Variants in LINGO2 observed in about 807,000 individuals in gnomAD.
LINGO2 encodes the protein leucine rich repeat and Ig domain containing 2.
LINGO2 carries 14 observed loss-of-function variants against 30.6 expected under a neutral mutation model. That is an observed-to-expected ratio of 0.46 (90% CI 0.30 to 0.72). The LOEUF (loss-of-function observed/expected upper bound fraction) is 0.72, where lower values mean the gene tolerates loss of function less well. LINGO2 is among the 30% of genes least tolerant of loss of function. The probability of loss-of-function intolerance (pLI) is 0.07; values close to 1 mark genes in which losing one functional copy is unlikely to be tolerated. For missense variants in LINGO2, 729 were observed against 751.7 expected (o/e 0.97, Z 0.35); for synonymous variants, 317 against 288.5 (o/e 1.10, Z -1.00).
At chr9:28,613,697 A>G (rs1291153789) in intron 1 of LINGO2, among the ~76,000 whole-genome samples, 2 of 152,142 alleles carry the variant, frequency 1.3e-5, no homozygotes, top group Non-Finnish European at 2.9e-5. Context: ...TAAGGCATAA[A>G]GTAGTATAAG....
intron 1 of LINGO2, among the ~76,000 whole-genome samples, chr9:28,644,008 G>T (rs148746670): frequency 1.9e-3 from 283 of 152,128 alleles, no homozygotes; most frequent in African/African-American, 6.6e-3. Flanking sequence ...AGTTAAAGTG[G>T]CTTATATCCA....
intron 4 of LINGO2, among the ~76,000 whole-genome samples, chr9:28,061,416 A>G (rs1398653943): frequency 6.6e-6 from 1 of 151,966 alleles, no homozygotes; most frequent in African/African-American, 2.4e-5. Context: ...CAGAAGTTGC[A>G]TAATATGGCT....
intron 3 of LINGO2, among the ~76,000 whole-genome samples, chr9:28,303,808 C>G (rs1489737968): frequency 2.0e-5 from 3 of 151,768 alleles, no homozygotes; most frequent in African/African-American, 7.3e-5. Context: ...AAGGGTTGGT[C>G]TTGCTGTCTC....
At chr9:28,583,196 A>G (rs1824348380) in intron 1 of LINGO2, among the ~76,000 whole-genome samples, 1 of 151,654 alleles carries the variant, frequency 6.6e-6, no homozygotes, top group African/African-American at 2.4e-5. Flanking sequence ...CTCAGAAGAT[A>G]AAATAATTAC....
chr9:28,089,515 A>G (rs1452705360), intron 4 of LINGO2, among the ~76,000 whole-genome samples: 1 of 152,184 alleles, frequency 6.6e-6, no homozygotes, highest in Admixed American at 6.5e-5. Flanking sequence ...TTTTGAACCA[A>G]TGAGAACAAA....
At chr9:28,266,799 T>A (rs772981662) in intron 4 of LINGO2, among the ~76,000 whole-genome samples, 7 of 152,012 alleles carry the variant, frequency 4.6e-5, no homozygotes, top group Non-Finnish European at 8.8e-5. Flanking sequence ...CTTCTCCCAT[T>A]TCAGCCACTC....
the LINGO2 span, among the ~76,000 whole-genome samples, chr9:28,723,804 T>C: frequency 6.4e-3 from 981 of 152,216 alleles, 25 homozygotes; most frequent in East Asian, 0.036. Context: ...TATGTTGCAA[T>C]TGGTCATAAA....
the LINGO2 span, among the ~76,000 whole-genome samples, chr9:29,063,541 G>A: frequency 6.6e-6 from 1 of 151,782 alleles, no homozygotes; most frequent in South Asian, 2.1e-4. Context: ...TGGGATTACA[G>A]AGGTCTGCCA....
chr9:28,249,651 T>G (rs1004810430), intron 4 of LINGO2, among the ~76,000 whole-genome samples: 2 of 152,250 alleles, frequency 1.3e-5, no homozygotes, highest in East Asian at 3.9e-4. Context: ...AAAACCCACT[T>G]GAGTTTTATT....
chr9:28,846,677 T>A, the LINGO2 span, among the ~76,000 whole-genome samples: 1 of 147,422 alleles, frequency 6.8e-6, no homozygotes, highest in East Asian at 2.0e-4. Context: ...TTTGTGCAGC[T>A]CCTGACCCAA....
intron 4 of LINGO2, among the ~76,000 whole-genome samples, chr9:28,030,759 C>G (rs1466022194): frequency 6.6e-6 from 1 of 151,864 alleles, no homozygotes; most frequent in Non-Finnish European, 1.5e-5. Context: ...CAACAGCACA[C>G]TACATTGTAG....
the LINGO2 span, among the ~76,000 whole-genome samples, chr9:28,930,943 C>G: frequency 6.6e-6 from 1 of 152,144 alleles, no homozygotes; most frequent in Non-Finnish European, 1.5e-5. This position sits in a 1 kb window ranked among gnomAD's most constrained non-coding sequence, Gnocchi z 4.2. Flanking sequence ...AAATTCAGAA[C>G]ACTCCTGTCA....
At position 28,104,464 on chromosome 9, in the gene LINGO2, C is replaced by A. The variant is rs527870877; in HGVS notation, c.-86-92059G>T. ...ATAACTCAGATTCTCCCTCTATGAT[C>A]TCATATTTTGTATGAGGCGCAAACC... On this transcript the variant is annotated intron_variant, in intron 4 of 5. Transcript: ENST00000379992. Among the ~76,000 whole-genome samples the A allele has an allele frequency of 2.6e-5, 4 of 151,886 alleles. No homozygotes were observed. The South Asian group carries it at 8.3e-4, about 32-fold the overall frequency.
chr9:28,783,933 G>C, the LINGO2 span, among the ~76,000 whole-genome samples: 1 of 152,106 alleles, frequency 6.6e-6, no homozygotes, highest in Non-Finnish European at 1.5e-5. Context: ...AGTGGAAAGA[G>C]AGCTCTGTTC....
the LINGO2 span, among the ~76,000 whole-genome samples, chr9:28,893,855 C>T: frequency 1.3e-5 from 2 of 151,894 alleles, no homozygotes; most frequent in South Asian, 2.1e-4. Flanking sequence ...CACCCATTCA[C>T]TGGTCATTTA....
At chr9:28,310,623 A>G (rs1416890076) in intron 3 of LINGO2, among the ~76,000 whole-genome samples, 2 of 152,194 alleles carry the variant, frequency 1.3e-5, no homozygotes, top group Non-Finnish European at 2.9e-5. Flanking sequence ...TGTGAGGGTG[A>G]TGGATACGTT....
At chr9:28,388,553 C>A (rs1821694158) in intron 2 of LINGO2, among the ~76,000 whole-genome samples, 1 of 152,132 alleles carries the variant, frequency 6.6e-6, no homozygotes, top group South Asian at 2.1e-4. Context: ...TTTATTTGTT[C>A]CACATCTTTG....
the LINGO2 span, among the ~76,000 whole-genome samples, chr9:28,868,630 G>C: frequency 5.5e-3 from 835 of 152,202 alleles, 11 homozygotes; most frequent in African/African-American, 0.019. Flanking sequence ...CCTTTGGAAA[G>C]GGAATGAGAG....
the LINGO2 span, among the ~76,000 whole-genome samples, chr9:29,095,852 G>A: frequency 3.6e-5 from 5 of 138,672 alleles, 1 homozygote; most frequent in African/African-American, 1.4e-4. Context: ...TGGGAGAGTA[G>A]TCACTTTTCC....
Sources: allele counts gnomAD v4.1 joint callset (sites outside exome capture counted in the v4.1 genomes callset), GRCh38; gene constraint gnomAD v4.1.1; non-coding constraint Gnocchi (gnomAD v3.1); transcripts MANE v1.5; gene names NCBI Gene and HGNC (gene_info 2026-07-23, HGNC 2026-07-21).